PKHD1: variants seen among roughly 807,000 people sequenced by gnomAD.
PKHD1 encodes fibrocystin.
A neutral mutation model predicts 412.0 loss-of-function variants in PKHD1; 291 were observed. That is an observed-to-expected ratio of 0.71 (90% CI 0.64 to 0.78). PKHD1 has a LOEUF of 0.78. Among genes scored for constraint, PKHD1 ranks in the 30% least tolerant of loss-of-function variants. The pLI, the probability that PKHD1 is intolerant of heterozygous loss-of-function variation, is 0.00. For missense variants in PKHD1, 4,825 were observed against 4,950.7 expected (o/e 0.97, Z 0.76); for synonymous variants, 1,777 against 1,821.5 (o/e 0.98, Z 0.62).
At chr6:52,035,027 C>T (rs769940289) in intron 28 of PKHD1, among the ~76,000 whole-genome samples, 2 of 151,990 alleles carry the variant, frequency 1.3e-5, no homozygotes, top group Non-Finnish European at 2.9e-5. Flanking sequence ...CAGGGAAGGA[C>T]CCAGACTCAA....
intron 37 of PKHD1, among the ~76,000 whole-genome samples, chr6:51,931,631 CATA>C (rs1384445921): frequency 6.6e-6 from 1 of 152,134 alleles, no homozygotes; most frequent in Admixed American, 6.6e-5. Context: ...CTCTTTTCTA[CATA>C]ATATTTGTTT....
chr6:51,872,073 A>G (rs1776061932), intron 46 of PKHD1, among the ~76,000 whole-genome samples: 1 of 152,190 alleles, frequency 6.6e-6, no homozygotes, highest in Admixed American at 6.6e-5. Context: ...GTAGAACAAA[A>G]AGACAAAGAG....
chr6:51,967,638 TTG>T (rs111737273), intron 35 of PKHD1, among the ~76,000 whole-genome samples: 7,046 of 136,816 alleles, frequency 0.051, 209 homozygotes, highest in East Asian at 0.13. Context: ...GTGTGGGAAG[TTG>T]TGTGTGTGTG....
chr6:52,050,815 TTC>T (rs1806715851), intron 21 of PKHD1, among the ~76,000 whole-genome samples: 1 of 152,218 alleles, frequency 6.6e-6, no homozygotes, highest in Non-Finnish European at 1.5e-5. Context: ...ATTTTTTCAC[TTC>T]TATTGGATTC....
At chr6:51,865,740 G>A (rs1300534845) in intron 48 of PKHD1, among the ~76,000 whole-genome samples, 1 of 152,182 alleles carries the variant, frequency 6.6e-6, no homozygotes, top group African/African-American at 2.4e-5. Context: ...TCAACTCTTA[G>A]GGTGCTTGCC....
chr6:51,902,412 G>A (rs1402663971), intron 43 of PKHD1, among the ~76,000 whole-genome samples: 1 of 152,162 alleles, frequency 6.6e-6, no homozygotes, highest in Non-Finnish European at 1.5e-5. Flanking sequence ...TACAGTCCGT[G>A]TAGTTCTGCT....
chr6:51,804,359 TGG>T (rs147210503), intron 52 of PKHD1, among the ~76,000 whole-genome samples: 14,757 of 31,212 alleles, frequency 0.47, 3,212 homozygotes, highest in African/African-American at 0.52. Context: ...ACTAATTCAT[TGG>T]GGGGGGGGGG....
chr6:51,627,005 A>C lies in PKHD1; in HGVS notation c.11777T>G (p.Val3926Gly), dbSNP rs1182572300. 2 of 1,613,434 alleles carry C rather than the reference A, an allele frequency of 1.2e-6. No individual in the cohort carries two copies. The highest frequency in any genetic ancestry group is 1.7e-6 in the Non-Finnish European group (2 of 1,179,584). ...SQGPKKEDTV[V>G]GEDMRMKVML... ...CCACCCTCCAAGCTTACCTTCTCCC[A>C]CCACAGTGTCTTCTTTTTTGGGCCC... Residue 3926 changes from valine to glycine, a missense_variant, in exon 66 of 67, where the codon GTG (valine) becomes GGG (glycine). By Grantham distance (109) the Val-to-Gly change is moderately radical. Coordinates refer to ENST00000371117, the MANE Select transcript of PKHD1 (RefSeq NM_138694.4).
In PKHD1 at chr6:52,085,683, G is replaced by A. The variant is rs552112176; in HGVS notation, c.-84-666C>T. Among the ~76,000 whole-genome samples, 11 of 152,226 alleles carry A rather than the reference G, an allele frequency of 7.2e-5. No individual in the cohort carries two copies. The South Asian group carries it at 1.0e-3, about 14-fold the overall frequency. The stretch of plus-strand genomic sequence containing the variant: ...CACACATAGGCCTCTTCTTCCAGAC[G>A]GCACGTTCCTTGAAGAGACCCAGGA... On this transcript the variant is annotated intron_variant, in intron 1 of 66. Transcript: ENST00000371117.
Position 51,753,287 on chromosome 6 carries a change from C to T in PKHD1, c.8864G>A (p.Arg2955Gln), listed in dbSNP as rs1582469538. 3 of 1,613,650 alleles carry T rather than the reference C, an allele frequency of 1.9e-6. No individual in the cohort carries two copies. The highest frequency in any genetic ancestry group is 2.5e-6 in the Non-Finnish European group (3 of 1,179,648). The change falls in exon 57 of 67, where the codon CGA (arginine) becomes CAA (glutamine). Residue 2955 changes from arginine (R) to glutamine (Q), a missense_variant. By Grantham distance (43) the Arg-to-Gln change is conservative. Transcript: ENST00000371117. ...RLAAEVGLLT[R>Q]NIQIQPDVSC... ...TACGTCAGGCTGAATTTGTATATTT[C>T]GGGTCAACAGTCCAACCTCAGCAGC...
intron 52 of PKHD1, among the ~76,000 whole-genome samples, chr6:51,809,676 C>CT (rs1764387705): frequency 6.6e-6 from 1 of 151,920 alleles, no homozygotes; most frequent in East Asian, 1.9e-4. Flanking sequence ...GCAAGGTTTT[C>CT]AGGGGGTTTT....
rs574010471 is a variant in PKHD1 at position 51,809,340 on chromosome 6, A to G, written c.8303-17967T>C. On this transcript the variant is annotated intron_variant, in intron 52 of 66. Transcript: ENST00000371117. Reference sequence around the variant, plus strand: ...TATTTTCCCACTGTTTTGAAATGCCATCTTAATTACTAAGTACATTCTTTT... The same window carrying G: ...TATTTTCCCACTGTTTTGAAATGCCGTCTTAATTACTAAGTACATTCTTTT... Among the ~76,000 whole-genome samples the G allele has an allele frequency of 3.3e-5, 5 of 152,138 alleles. No individual in the cohort carries two copies. The South Asian group carries it at 8.3e-4, about 25-fold the overall frequency.
At chr6:51,663,704 T>C (rs982333859) in intron 60 of PKHD1, among the ~76,000 whole-genome samples, 2 of 152,190 alleles carry the variant, frequency 1.3e-5, no homozygotes, top group African/African-American at 4.8e-5. Flanking sequence ...TCTTACTCTA[T>C]AGTACAAATA....
intron 60 of PKHD1, among the ~76,000 whole-genome samples, chr6:51,699,046 T>C (rs1332418836): frequency 1.3e-5 from 2 of 152,220 alleles, no homozygotes; most frequent in Non-Finnish European, 2.9e-5. Flanking sequence ...AAGCCTCAGT[T>C]GGTTAAACAA....
intron 60 of PKHD1, among the ~76,000 whole-genome samples, chr6:51,662,818 GT>G (rs1335236804): frequency 6.6e-6 from 1 of 151,862 alleles, no homozygotes; most frequent in African/African-American, 2.4e-5. Flanking sequence ...ACAACTTAAA[GT>G]AGACAAATTT....
intron 35 of PKHD1, among the ~76,000 whole-genome samples, chr6:51,968,933 C>T (rs1048512344): frequency 6.6e-6 from 1 of 152,122 alleles, no homozygotes; most frequent in Non-Finnish European, 1.5e-5. Context: ...CCTGTGTAGT[C>T]CTCTCCCCTT....
Position 51,836,457 on chromosome 6 carries a change from C to T in PKHD1, c.8120G>A (p.Gly2707Asp), listed in dbSNP as rs201254195. Residue 2707 changes from glycine to aspartate, a missense_variant, in exon 51 of 67, where the codon GGC (glycine) becomes GAC (aspartate). By Grantham distance (94) the Gly-to-Asp change is moderately conservative. Coordinates refer to ENST00000371117, the MANE Select transcript of PKHD1 (RefSeq NM_138694.4). ...CACCCGGAGAATGACTTGAACTTGG[C>T]CTTCACCTGAAACTAAATACCAAAA... ...RQLTYLVSGE[G>D]QVQVILRVKE... is the part of the protein sequence containing the mutation. 132 of 1,612,266 alleles carry T rather than the reference C, an allele frequency of 8.2e-5. No individual in the cohort carries two copies. Among genetic ancestry groups the T allele is most frequent in the Non-Finnish European group, 1.1e-4 (124 of 1,178,490 alleles).
chr6:51,695,437 TAGG>T (rs920014121), intron 60 of PKHD1, among the ~76,000 whole-genome samples: 6 of 150,058 alleles, frequency 4.0e-5, no homozygotes, highest in African/African-American at 7.4e-5. Flanking sequence ...TGAAGAGGAG[TAGG>T]AGGAGAAGAG....
intron 60 of PKHD1, among the ~76,000 whole-genome samples, chr6:51,669,200 A>G (rs1391458215): frequency 6.6e-6 from 1 of 152,076 alleles, no homozygotes; most frequent in Non-Finnish European, 1.5e-5. Context: ...TTGGTAAGCT[A>G]TTGATTATTG....
Sources: allele counts gnomAD v4.1 joint callset (sites outside exome capture counted in the v4.1 genomes callset), GRCh38; gene constraint gnomAD v4.1.1; transcripts MANE v1.5; gene names NCBI Gene and HGNC (gene_info 2026-07-23, HGNC 2026-07-21).